The following RAPH1 variants were observed in gnomAD, a reference collection of about 807,000 sequenced individuals.
RAPH1 encodes Ras association (RalGDS/AF-6) and pleckstrin homology domains 1, also known as ras-associated and pleckstrin homology domains-containing protein 1.
In RAPH1, 18 loss-of-function variants were observed where a neutral mutation model predicts 88.1. The ratio of observed to expected loss-of-function variants is 0.20; its 90% confidence interval spans 0.14 to 0.30. The LOEUF (loss-of-function observed/expected upper bound fraction) is 0.30, where lower values mean the gene tolerates loss of function less well. Among genes scored for constraint, RAPH1 ranks in the 10% least tolerant of loss-of-function variants. The pLI is 1.00. For missense variants in RAPH1, 1,448 were observed against 1,543.2 expected (o/e 0.94, Z 1.03); for synonymous variants, 587 against 559.0 (o/e 1.05, Z -0.71).
At chr2:203,474,492 A>G (rs2098535698) in intron 4 of RAPH1, among the ~76,000 whole-genome samples, 1 of 152,248 alleles carries the variant, frequency 6.6e-6, no homozygotes, top group Admixed American at 6.5e-5. Flanking sequence ...TAATTTTAAT[A>G]CTGAATGAAT....
chr2:203,481,143 T>C (rs940874074), intron 4 of RAPH1, among the ~76,000 whole-genome samples: 1 of 152,182 alleles, frequency 6.6e-6, no homozygotes, highest in African/African-American at 2.4e-5. Flanking sequence ...TCTCTTTGCC[T>C]TTTTCTCTCC....
chr2:203,498,845 A>G (rs563845408), intron 1 of RAPH1, among the ~76,000 whole-genome samples: 12 of 152,324 alleles, frequency 7.9e-5, no homozygotes, highest in African/African-American at 2.6e-4. Flanking sequence ...ATGTGCTCAT[A>G]ATGATGTTCA....
intron 4 of RAPH1, among the ~76,000 whole-genome samples, chr2:203,476,767 T>C (rs1031536354): frequency 1.3e-5 from 2 of 152,172 alleles, no homozygotes; most frequent in Non-Finnish European, 2.9e-5. Flanking sequence ...TAAAGAACAA[T>C]TCAATTTGTT....
chr2:203,442,107 G>T, intron 13 of RAPH1: 2 of 1,582,984 alleles, frequency 1.3e-6, no homozygotes, highest in South Asian at 1.2e-5. Context: ...GAAATGCTTT[G>T]TAAACATTAT....
At chr2:203,452,406 A>T (rs2098515691) in intron 10 of RAPH1, among the ~76,000 whole-genome samples, 1 of 152,212 alleles carries the variant, frequency 6.6e-6, no homozygotes, top group Non-Finnish European at 1.5e-5. Context: ...CAGGGATGAG[A>T]AGTTGAAACC....
In RAPH1 at chr2:203,447,959, C is replaced by T. The variant is rs1210529720; in HGVS notation, c.1633G>A (p.Glu545Lys). 9 of 1,613,698 alleles carry T rather than the reference C, an allele frequency of 5.6e-6. No homozygotes were observed. Among genetic ancestry groups the T allele is most frequent in the Non-Finnish European group, 7.6e-6 (9 of 1,179,860 alleles). ...KSGSSSSSIP[E>K]SQSNHSNQSD... ...AGTGCTTTGAAGCATTTTGAACTACCTGGGATGCTGGAAGAACTGGATCCC... is the reference window on the plus strand; with the variant it reads ...AGTGCTTTGAAGCATTTTGAACTACTTGGGATGCTGGAAGAACTGGATCCC... The change falls in exon 12 of 14, where the codon GAG becomes AAG. Residue 545 changes from glutamate to lysine, a missense_variant and splice_region_variant. Coordinates refer to ENST00000319170, the MANE Select transcript of RAPH1 (RefSeq NM_213589.3).
chr2:203,468,039 G>C (rs2098530011), intron 4 of RAPH1, among the ~76,000 whole-genome samples: 1 of 152,194 alleles, frequency 6.6e-6, no homozygotes, highest in East Asian at 1.9e-4. Context: ...CCAAAGTACT[G>C]GGATTACAGG....
chr2:203,458,127 T>A (rs2098521289), intron 7 of RAPH1, among the ~76,000 whole-genome samples: 1 of 152,166 alleles, frequency 6.6e-6, no homozygotes, highest in African/African-American at 2.4e-5. Flanking sequence ...ATCCCAGCAC[T>A]CTGGGAGGCC....
chr2:203,434,232 C>CT lies in RAPH1; in HGVS notation c.*5204_*5205insA, dbSNP rs2098496411. The CT allele has an allele frequency of 6.6e-6, 1 of 152,538 alleles. No homozygotes were observed. Among genetic ancestry groups the CT allele is most frequent in the Non-Finnish European group, 1.5e-5 (1 of 68,034 alleles). 9.4% of individuals were successfully genotyped at this position (152,538 alleles called of 1,614,324 possible). On this transcript the variant is annotated 3_prime_UTR_variant, in exon 14 of 14. Transcript: ENST00000319170. ...GAATAATAATGTCCTCTACCTGGTA[C>CT]ATTATAATGAAGTTCCTTGTCTTCT...
intron 1 of RAPH1, among the ~76,000 whole-genome samples, chr2:203,506,820 C>CTATATATA (rs1228434767): frequency 1.4e-5 from 1 of 70,660 alleles, no homozygotes; most frequent in Admixed American, 1.8e-4. Flanking sequence ...ATCTATATAT[C>CTATATATA]TATATATATA....
Position 203,496,354 on chromosome 2 carries a change from G to A in RAPH1, c.1-1001C>T, listed in dbSNP as rs909984985. Among the ~76,000 whole-genome samples, 6 of 135,174 alleles carry A rather than the reference G, an allele frequency of 4.4e-5. No individual in the cohort carries two copies. In the East Asian group the frequency reaches 6.0e-4, roughly 14 times the overall value. The allele number at this position is 135,174 out of a possible 152,430, so 88.7% of individuals were successfully genotyped here. ...GTGTGGGCAACAAGAGTGAAACTCCGTCTCAAAAAATAAATAAATAAAATA... is the reference window on the plus strand; with the variant it reads ...GTGTGGGCAACAAGAGTGAAACTCCATCTCAAAAAATAAATAAATAAAATA... On this transcript the variant is annotated intron_variant, in intron 1 of 13. Transcript: ENST00000319170.
At chr2:203,470,520 G>T (rs917693573) in intron 4 of RAPH1, among the ~76,000 whole-genome samples, 1 of 152,162 alleles carries the variant, frequency 6.6e-6, no homozygotes, top group Admixed American at 6.6e-5. Flanking sequence ...GACATCATCC[G>T]TGCCAGTAGG....
chr2:203,492,666 A>G (rs1397323215), intron 2 of RAPH1, among the ~76,000 whole-genome samples: 1 of 152,242 alleles, frequency 6.6e-6, no homozygotes, highest in African/African-American at 2.4e-5. Flanking sequence ...TAGATTCACA[A>G]AATATAAGGA....
At chr2:203,450,385 C>G (rs1411055793) in intron 10 of RAPH1, among the ~76,000 whole-genome samples, 1 of 152,084 alleles carries the variant, frequency 6.6e-6, no homozygotes, top group African/African-American at 2.4e-5. Context: ...CAAAATAATA[C>G]CTAACAGTCT....
chr2:203,451,758 T>C (rs2098515093), intron 10 of RAPH1, among the ~76,000 whole-genome samples: 1 of 152,216 alleles, frequency 6.6e-6, no homozygotes, highest in South Asian at 2.1e-4. Flanking sequence ...CCCACTTCTT[T>C]CCTGGCAGAG....
At chr2:203,441,517 G>A in intron 13 of RAPH1, 104 bp from the exon 14 acceptor site, 4 of 1,416,984 alleles carry the variant, frequency 2.8e-6, no homozygotes, top group Non-Finnish European at 3.7e-6. Flanking sequence ...AGGGAGTCTG[G>A]GACATGCATG....
rs1469727287 is a variant in RAPH1, at chr2:203,434,999, A to G, written c.*4438T>C. The G allele has an allele frequency of 1.3e-5, 2 of 152,638 alleles. No homozygotes were observed. The highest frequency in any genetic ancestry group is 3.9e-4 in the East Asian group (2 of 5,192). 9.5% of individuals were successfully genotyped at this position (152,638 alleles called of 1,614,324 possible). ...GGATTTCTTTAAAAATATTCTGCCA[A>G]AAGAGTTGAAGGCACTGGGGGTTTA... On this transcript the variant is annotated 3_prime_UTR_variant, in exon 14 of 14. Coordinates refer to ENST00000319170, the MANE Select transcript of RAPH1 (RefSeq NM_213589.3).
Position 203,440,621 on chromosome 2 carries a change from G to T in RAPH1, c.2569C>A (p.Pro857Thr), listed in dbSNP as rs1383253818. The T allele has an allele frequency of 6.4e-7, 1 of 1,556,562 alleles. No homozygotes were observed. The highest frequency in any genetic ancestry group is 1.4e-5 in the African/African-American group (1 of 73,166). The change falls in exon 14 of 14, where the codon CCG (proline) becomes ACG (threonine). Residue 857 changes from proline to threonine, a missense_variant. By Grantham distance (38) the Pro-to-Thr change is conservative. Transcript: ENST00000319170. ...ATCTGCTTCACGACCGAGGGCACCG[G>T]TGACAGTGGAGAGGGAGGGGGTTTT... Reference protein sequence around the residue: ...CAKPPPSPLSPVPSVVKQIAS... With the variant: ...CAKPPPSPLSTVPSVVKQIAS...
Position 203,439,512 on chromosome 2 carries a change from A to AT in RAPH1, c.3677dup (p.Tyr1226Ter). 6.2e-7 allele frequency: 1 copy of AT among 1,614,136 alleles called. No individual in the cohort carries two copies. The highest frequency in any genetic ancestry group is 8.5e-7 in the Non-Finnish European group (1 of 1,180,032). The change falls in exon 14 of 14, where the codon TAT (tyrosine) becomes TAAT (stop). Residue 1226 changes from tyrosine (Y) to a stop codon, truncating the protein, a stop_gained and frameshift_variant. Coordinates refer to ENST00000319170, the MANE Select transcript of RAPH1 (RefSeq NM_213589.3). LOFTEE classifies it high-confidence loss of function. ...AGYGGSHISG[Y>*]ATLRRGPPPA... ...GAGGGGGTCCTCTCCGCAACGTTGC[A>AT]TAGCCTGATATATGACTGCCTCCGT...
Sources: allele counts gnomAD v4.1 joint callset (sites outside exome capture counted in the v4.1 genomes callset), GRCh38; gene constraint gnomAD v4.1.1; transcripts MANE v1.5; gene names NCBI Gene and HGNC (gene_info 2026-07-23, HGNC 2026-07-21).